Variants in ATP7A observed in about 807,000 individuals in gnomAD.
The protein encoded by ATP7A is copper-transporting ATPase 1.
In ATP7A, 7 loss-of-function variants were observed where a neutral mutation model predicts 83.5. The ratio of observed to expected loss-of-function variants is 0.08; its 90% CI spans 0.05 to 0.16. ATP7A has a LOEUF of 0.16. ATP7A is among the 10% of genes least tolerant of loss of function. ATP7A has a pLI of 1.00. For synonymous variants in ATP7A, 354 were observed against 395.2 expected, an observed-to-expected ratio of 0.90 and a Z score of 1.24; for missense variants, 940 against 1,120.8, an observed-to-expected ratio of 0.84 and a Z score of 2.30.
intron 1 of ATP7A, among the ~76,000 whole-genome samples, chrX:77,922,286 C>T (rs113177450): frequency 0.013 from 1,478 of 111,090 alleles, 16 homozygotes; most frequent in Middle Eastern, 0.028. Flanking sequence ...AGGAGGGTTG[C>T]TTGAGGCTGG....
Position 78,049,902 on chromosome X carries a change from C to T in ATP7A, c.*3332C>T, listed in dbSNP as rs1451006508. 9.0e-6 allele frequency: 1 copy of T among 111,637 alleles called. No homozygotes were observed. Among genetic ancestry groups the T allele is most frequent in the East Asian group, 2.8e-4 (1 of 3,595 alleles). The allele number at this position is 111,637 out of a possible 1,213,427, so 9.2% of individuals were successfully genotyped here. On this transcript the variant is annotated 3_prime_UTR_variant, in exon 23 of 23. Transcript: ENST00000341514. ...TTGTTTTTTTCTCTGGGTGAGGCAT[C>T]TGGTTACTGGTTATTTTAAAAAGAA... is the stretch of plus-strand genomic sequence containing the variant.
chrX:77,998,347 C>T (rs1294508829), intron 4 of ATP7A, 131 bp from the exon 5 acceptor site: 12 of 623,310 alleles, frequency 1.9e-5, no homozygotes, highest in African/African-American at 4.4e-5. Context: ...TTAATGCTAA[C>T]GGATAGTAGG....
rs782179700 is a variant in ATP7A, at chrX:78,036,234, A to ACTCCC, written c.3511+2413_3511+2414insCTCCC. ...GCTGTGGAGGAAAATTAAGTGGGGC[A>ACTCCC]AGGGGCATAGGGGTGCTGGGAGTAG... On this transcript the variant is annotated intron_variant, in intron 17 of 22. Coordinates refer to ENST00000341514, the MANE Select transcript of ATP7A (RefSeq NM_000052.7). Among the ~76,000 whole-genome samples, 149 of 111,580 alleles carry ACTCCC rather than the reference A, an allele frequency of 1.3e-3. 1 individual carries two copies. The highest frequency in any genetic ancestry group is 4.7e-3 in the African/African-American group (143 of 30,742).
In ATP7A at chrX:77,989,682, A is replaced by G. The variant is rs1557231859; in HGVS notation, c.1060A>G (p.Thr354Ala). 2 of 1,209,352 alleles carry G rather than the reference A, an allele frequency of 1.7e-6. No individual in the cohort carries two copies. The highest frequency in any genetic ancestry group is 3.0e-5 in the East Asian group (1 of 33,763). The stretch of plus-strand genomic sequence containing the variant: ...TAGTATCACAAGTGAAGTTGAGAGT[A>G]CCTCAAACTCTCCCTCCAGCTCATC... ...RVSITSEVES[T>A]SNSPSSSSLQ... The change falls in exon 4 of 23, where the codon ACC (threonine) becomes GCC (alanine). Residue 354 changes from threonine to alanine, a missense_variant. By Grantham distance (58) the Thr-to-Ala change is moderately conservative (BLOSUM62 0). Around this residue, in one of 3 missense-constraint regions of ATP7A, gnomAD observed 350 missense variants for 432.8 expected, o/e 0.81. Transcript: ENST00000341514.
At chrX:78,024,992 G>A (rs986472171) in intron 14 of ATP7A, among the ~76,000 whole-genome samples, 67 of 111,309 alleles carry the variant, frequency 6.0e-4, no homozygotes, top group African/African-American at 2.2e-3. Context: ...CTAACAGAAG[G>A]GCTTAGTTCT....
chrX:77,923,676 G>A (rs1235218352), intron 1 of ATP7A: 26 of 107,570 alleles, frequency 2.4e-4, no homozygotes, highest in African/African-American at 8.8e-4. Context: ...GCTTTCAAAA[G>A]AAGGTGTTGT....
chrX:77,933,890 G>GA (rs1414913283), intron 1 of ATP7A, among the ~76,000 whole-genome samples: 5 of 111,536 alleles, frequency 4.5e-5, no homozygotes. Flanking sequence ...TTAATACAGT[G>GA]AAAAAACAAG....
At chrX:77,971,434 TGATAA>T (rs2077546173) in intron 1 of ATP7A, among the ~76,000 whole-genome samples, 182 bp from the exon 2 acceptor site, 1 of 112,054 alleles carries the variant, frequency 8.9e-6, no homozygotes, top group African/African-American at 3.2e-5. Flanking sequence ...TCATCTAAGG[TGATAA>T]GAATTTTTTT....
At chrX:78,034,740 C>G (rs971809934) in intron 17 of ATP7A, among the ~76,000 whole-genome samples, 1 of 108,749 alleles carries the variant, frequency 9.2e-6, no homozygotes, top group African/African-American at 3.3e-5. Context: ...ACCTCCCTGG[C>G]TGTTCCTTTT....
At position 77,948,290 on chromosome X, in the gene ATP7A, G is replaced by A. The variant is rs187103809; in HGVS notation, c.-21-23331G>A. On this transcript the variant is annotated intron_variant, in intron 1 of 22. Coordinates refer to ENST00000341514, the MANE Select transcript of ATP7A (RefSeq NM_000052.7). ...CTACAGGCGCCCATCACTACGCCCC[G>A]CTAATGTTTTTGTATTTTTAGTAGA... Among the ~76,000 whole-genome samples, 17 of 108,570 alleles carry A rather than the reference G, an allele frequency of 1.6e-4. No individual in the cohort carries two copies. The East Asian group carries it at 2.6e-3, about 17-fold the overall frequency. 94.3% of individuals were successfully genotyped at this position (108,570 alleles called of 115,157 possible). A position where few individuals can be genotyped will look rare whatever the true frequency, so the allele number is the denominator to read the frequency against.
chrX:77,916,190 A>G (rs1485715189), intron 1 of ATP7A, among the ~76,000 whole-genome samples: 1 of 109,225 alleles, frequency 9.2e-6, no homozygotes, highest in African/African-American at 3.3e-5. Flanking sequence ...CCCCATCTCT[A>G]CAAAAATTAC....
chrX:78,014,298 G>T (rs782399467), intron 10 of ATP7A, among the ~76,000 whole-genome samples: 1 of 108,887 alleles, frequency 9.2e-6, no homozygotes, highest in African/African-American at 3.3e-5. Flanking sequence ...CCAGCTACTC[G>T]GGAGGCTGAG....
chrX:77,977,481 A>T (rs1295429695), intron 2 of ATP7A, among the ~76,000 whole-genome samples: 1 of 112,403 alleles, frequency 8.9e-6, no homozygotes, highest in Admixed American at 9.5e-5. Flanking sequence ...CTAGCAAACT[A>T]TTGTAGGTGA....
intron 1 of ATP7A, among the ~76,000 whole-genome samples, chrX:77,930,304 T>C (rs2077264372): frequency 8.9e-6 from 1 of 111,844 alleles, no homozygotes; most frequent in South Asian, 3.7e-4. Context: ...TCTGAGCTCC[T>C]GGACAGTGGG....
chrX:77,963,118 T>G, intron 1 of ATP7A: 1 of 130,730 alleles, frequency 7.6e-6, no homozygotes, highest in South Asian at 2.3e-4. Flanking sequence ...CCCTTCAAAC[T>G]TTCATAAAAT....
At chrX:78,037,581 T>G (rs1256213712) in intron 17 of ATP7A, among the ~76,000 whole-genome samples, 2 of 110,774 alleles carry the variant, frequency 1.8e-5, no homozygotes, top group African/African-American at 6.6e-5. Flanking sequence ...CACTATAAAT[T>G]AAGAAGTTAG....
At chrX:78,042,068 G>T (rs2149111344) in intron 19 of ATP7A, among the ~76,000 whole-genome samples, 1 of 99,475 alleles carries the variant, frequency 1.0e-5, no homozygotes, top group African/African-American at 3.7e-5. Context: ...AGTGAGCCGA[G>T]ATGGTACCAT....
At chrX:78,017,877 C>T (rs782515320) in intron 12 of ATP7A, among the ~76,000 whole-genome samples, 4 of 105,449 alleles carry the variant, frequency 3.8e-5, no homozygotes, top group Admixed American at 2.0e-4. Context: ...CCCGGTTCAC[C>T]CCATTCTCCT....
intron 2 of ATP7A, among the ~76,000 whole-genome samples, chrX:77,972,018 A>G (rs1557229720): frequency 1.8e-5 from 2 of 111,835 alleles, no homozygotes; most frequent in Non-Finnish European, 3.8e-5. Context: ...TTTATATTTT[A>G]TAAGTATATG....
Sources: allele counts gnomAD v4.1 joint callset (sites outside exome capture counted in the v4.1 genomes callset), GRCh38; gene constraint gnomAD v4.1.1; regional missense constraint gnomAD v4.1.1; transcripts MANE v1.5; gene names NCBI Gene and HGNC (gene_info 2026-07-23, HGNC 2026-07-21).